The following CCBE1 variants were observed in gnomAD, a reference collection of about 807,000 sequenced individuals.
CCBE1 encodes collagen and calcium binding EGF domains 1.
A neutral mutation model predicts 50.0 loss-of-function variants in CCBE1; 37 were observed. The observed-to-expected ratio is 0.74, with a 90% CI of 0.57 to 0.97. CCBE1 has a LOEUF of 0.97. Among genes scored for constraint, CCBE1 ranks in the 50% least tolerant of loss-of-function variants. The pLI is 0.00. For synonymous variants in CCBE1, 234 were observed against 203.7 expected, an observed-to-expected ratio of 1.15 and a Z score of -1.27; for missense variants, 538 against 523.8, an observed-to-expected ratio of 1.03 and a Z score of -0.26.
chr18:59,696,406 C>T, intron 2 of CCBE1: 1 of 1,204,046 alleles, frequency 8.3e-7, no homozygotes, highest in African/African-American at 1.5e-5. Context: ...TCCTCAGGAT[C>T]TCAGGGCACA....
chr18:59,541,475 C>T (rs1915462488), intron 2 of CCBE1, among the ~76,000 whole-genome samples: 1 of 152,210 alleles, frequency 6.6e-6, no homozygotes, highest in Non-Finnish European at 1.5e-5. Flanking sequence ...AGGACAGGCA[C>T]TTCAAATAAC....
At position 59,431,640 on chromosome 18, in the gene CCBE1, C is replaced by T. The variant is rs1459407055; in HGVS notation, c.*4268G>A. On this transcript the variant is annotated 3_prime_UTR_variant, in exon 11 of 11. Coordinates refer to ENST00000439986, the MANE Select transcript of CCBE1 (RefSeq NM_133459.4). ...CACCAGGCCCACAGCAATTATGAAC[C>T]TTGGAAAGATGGCCAAAGCCAGGGT... is the stretch of plus-strand genomic sequence containing the variant. 2 of 152,254 alleles carry T rather than the reference C, an allele frequency of 1.3e-5. No homozygotes were observed. The highest frequency in any genetic ancestry group is 4.8e-5 in the African/African-American group (2 of 41,470). 9.4% of individuals were successfully genotyped at this position (152,254 alleles called of 1,614,324 possible).
rs776263282 is a variant in CCBE1 at position 59,447,984 on chromosome 18, G to T, written c.774C>A (p.Pro258=). 1.9e-6 allele frequency: 3 copies of T among 1,614,096 alleles called. No individual in the cohort carries two copies. The highest frequency in any genetic ancestry group is 2.2e-5 in the South Asian group (2 of 91,064). ...PPGLPGGQGP[P]GSPGPKGSPG... is the part of the protein sequence containing the mutation. ...TCCTGTGCCCTCTTCCACACTCACCGGGAGGGCCCTGGCCCCCAGGCAGGC... is the reference window on the plus strand; with the variant it reads ...TCCTGTGCCCTCTTCCACACTCACCTGGAGGGCCCTGGCCCCCAGGCAGGC... The change falls in exon 7 of 11, where the codon CCC becomes CCA. Residue 258 remains proline (P), a splice_region_variant and synonymous_variant. Transcript: ENST00000439986.
At chr18:59,455,328 T>G in intron 5 of CCBE1, 1 of 355,412 alleles carries the variant, frequency 2.8e-6, no homozygotes, top group Non-Finnish European at 5.5e-6. Context: ...GTTCACACAC[T>G]GTAAATATTC....
intron 2 of CCBE1, among the ~76,000 whole-genome samples, chr18:59,528,683 G>A (rs1248797152): frequency 6.6e-6 from 1 of 152,132 alleles, no homozygotes; most frequent in Admixed American, 6.5e-5. Flanking sequence ...TGTTGTTATT[G>A]CTGTTTGTTT....
At chr18:59,511,987 AT>A (rs972139153) in intron 2 of CCBE1, among the ~76,000 whole-genome samples, 6 of 151,850 alleles carry the variant, frequency 4.0e-5, no homozygotes, top group Non-Finnish European at 8.8e-5. Flanking sequence ...TGTATCCTTC[AT>A]TTTTTGTTTT....
At position 59,559,863 on chromosome 18, in the gene CCBE1, G is replaced by T. The variant is rs549017068; in HGVS notation, c.213-79625C>A. 2.6e-5 allele frequency among the ~76,000 whole-genome samples: 4 copies of T among 152,258 alleles called. No individual in the cohort carries two copies. The East Asian group carries it at 7.7e-4, about 29-fold the overall frequency. On this transcript the variant is annotated intron_variant, in intron 2 of 10. Transcript: ENST00000439986. ...TATTCTGGGGGTGGATGTTTCACACGGCTTGGCAGCTGTACTCTCTGTCAT... is the reference window on the plus strand; with the variant it reads ...TATTCTGGGGGTGGATGTTTCACACTGCTTGGCAGCTGTACTCTCTGTCAT...
intron 2 of CCBE1, among the ~76,000 whole-genome samples, chr18:59,527,539 T>C (rs1025584009): frequency 2.0e-4 from 30 of 152,204 alleles, no homozygotes; most frequent in Non-Finnish European, 4.1e-4. Context: ...GTCATGATGC[T>C]AGCTGGTTAT....
intron 2 of CCBE1, among the ~76,000 whole-genome samples, chr18:59,632,709 C>T (rs187496502): frequency 6.6e-6 from 1 of 152,134 alleles, no homozygotes. Context: ...CCTGCCTCGG[C>T]CTCCTGAGTA....
At chr18:59,538,465 G>T (rs1362987917) in intron 2 of CCBE1, among the ~76,000 whole-genome samples, 1 of 152,164 alleles carries the variant, frequency 6.6e-6, no homozygotes, top group Non-Finnish European at 1.5e-5. Flanking sequence ...TCCCAAACTT[G>T]CCCTGTCCAT....
intron 2 of CCBE1, among the ~76,000 whole-genome samples, chr18:59,593,303 T>A (rs1243355322): frequency 6.6e-6 from 1 of 152,272 alleles, no homozygotes; most frequent in Non-Finnish European, 1.5e-5. Flanking sequence ...CAGTTCACAT[T>A]TTTCTTGCCA....
chr18:59,487,717 T>G (rs1912890356), intron 2 of CCBE1, among the ~76,000 whole-genome samples: 1 of 152,208 alleles, frequency 6.6e-6, no homozygotes, highest in Non-Finnish European at 1.5e-5. Context: ...CAGAAAAAGC[T>G]TGTTAGGCAT....
intron 2 of CCBE1, among the ~76,000 whole-genome samples, chr18:59,516,498 C>T (rs572478757): frequency 2.6e-5 from 4 of 152,232 alleles, no homozygotes; most frequent in Admixed American, 1.3e-4. Flanking sequence ...AACAGGACCT[C>T]GTGGATGGAC....
intron 2 of CCBE1, among the ~76,000 whole-genome samples, chr18:59,523,168 C>T (rs187566372): frequency 4.8e-4 from 73 of 151,684 alleles, no homozygotes; most frequent in African/African-American, 1.6e-3. Flanking sequence ...CGTGTGTATC[C>T]TCATGAGCAA....
At chr18:59,585,554 A>C (rs1287032170) in intron 2 of CCBE1, among the ~76,000 whole-genome samples, 1 of 152,244 alleles carries the variant, frequency 6.6e-6, no homozygotes, top group Non-Finnish European at 1.5e-5. Flanking sequence ...AACCACTTTC[A>C]GGTACCTCAA....
chr18:59,613,736 TA>T (rs200695894), intron 2 of CCBE1, among the ~76,000 whole-genome samples: 2,112 of 147,764 alleles, frequency 0.014, 34 homozygotes, highest in African/African-American at 0.037. Context: ...CCATCTTTAT[TA>T]AAAAAAAAAA....
At chr18:59,489,296 G>A (rs1259636622) in intron 2 of CCBE1, among the ~76,000 whole-genome samples, 1 of 152,210 alleles carries the variant, frequency 6.6e-6, no homozygotes, top group African/African-American at 2.4e-5. Flanking sequence ...ATATCAGTGT[G>A]CTTCAGACCC....
chr18:59,620,933 C>T (rs1008662339), intron 2 of CCBE1, among the ~76,000 whole-genome samples: 1 of 152,166 alleles, frequency 6.6e-6, no homozygotes, highest in Non-Finnish European at 1.5e-5. Context: ...GCTGTCCAGG[C>T]AATCGGACTT....
At chr18:59,559,946 G>T (rs1213030702) in intron 2 of CCBE1, among the ~76,000 whole-genome samples, 13 of 152,186 alleles carry the variant, frequency 8.5e-5, no homozygotes. Context: ...GCCAGGAACG[G>T]TTTGCCTTCA....
Sources: gnomAD v4.1 joint callset for allele counts (sites outside exome capture counted in the v4.1 genomes callset) on GRCh38, gnomAD v4.1.1 for gene constraint, MANE v1.5 for transcripts, NCBI Gene and HGNC (gene_info 2026-07-23, HGNC 2026-07-21) for gene names.